SLITRK5: variants seen among roughly 807,000 people sequenced by gnomAD.
The protein encoded by SLITRK5 is SLIT and NTRK like family member 5, also known as SLIT and NTRK-like protein 5.
SLITRK5 carries 23 observed loss-of-function variants against 56.2 expected under a neutral mutation model. The observed-to-expected ratio is 0.41, with a 90% CI of 0.29 to 0.58. The LOEUF (loss-of-function observed/expected upper bound fraction) is 0.58. Ranked by LOEUF, SLITRK5 falls within the 20% of genes least tolerant of loss-of-function variation. The pLI is 0.30. For missense variants in SLITRK5, 1,289 were observed against 1,226.6 expected (o/e 1.05, Z -0.76); for synonymous variants, 637 against 531.8 (o/e 1.20, Z -2.72).
rs1276990584 is a variant in SLITRK5 at position 87,679,146 on chromosome 13, T to A, written c.*881T>A. On this transcript the variant is annotated 3_prime_UTR_variant, in exon 2 of 2. Transcript: ENST00000683689. ...ATCATTCAAAATGTGGAGAATTTAA[T>A]GGCTAAATCTTTAAAAGCCAATGCA... is the stretch of plus-strand genomic sequence containing the variant. 1.8e-5 allele frequency: 3 copies of A among 166,944 alleles called. No individual in the cohort carries two copies. Among genetic ancestry groups the A allele is most frequent in the African/African-American group, 7.2e-5 (3 of 41,452 alleles). The allele number at this position is 166,944 out of a possible 1,614,324, so 10.3% of individuals were successfully genotyped here.
In SLITRK5 at chr13:87,678,000, G is replaced by T. The variant is rs75472263; in HGVS notation, c.2612G>T (p.Gly871Val). ...PDKHCSTTPAGNSLPEYPKFP... is the reference protein window; with the variant it reads ...PDKHCSTTPAVNSLPEYPKFP... ...AAACACTGCTCCACCACCCCCGCCG[G>T]CAATAGCCTCCCGGAATATCCCAAA... is the stretch of plus-strand genomic sequence containing the variant. Residue 871 changes from glycine (G) to valine (V), a missense_variant, in exon 2 of 2, where the codon GGC becomes GTC. By Grantham distance (109) the Gly-to-Val change is moderately radical. Transcript: ENST00000683689. This position sits in a 1 kb window ranked among gnomAD's most constrained non-coding sequence, Gnocchi z 4.7. 1 of 1,614,120 alleles carries T rather than the reference G, an allele frequency of 6.2e-7. No homozygotes were observed. Among genetic ancestry groups the T allele is most frequent in the Non-Finnish European group, 8.5e-7 (1 of 1,179,994 alleles).
chr13:87,675,399 G>C lies in SLITRK5; in HGVS notation c.11G>C (p.Cys4Ser). Residue 4 changes from cysteine (C) to serine (S), a missense_variant, in exon 2 of 2, where the codon TGC (cysteine) becomes TCC (serine). Physicochemically the swap from Cys to Ser is moderately radical, Grantham distance 112. Coordinates refer to ENST00000683689, the MANE Select transcript of SLITRK5 (RefSeq NM_001384609.1). MHT[C>S]CPPVTLEQDL... ...CTTACAGGAGGTAAAATGCACACTT[G>C]CTGCCCCCCAGTAACTTTGGAACAG... is the stretch of plus-strand genomic sequence containing the variant. 3 of 1,613,502 alleles carry C rather than the reference G, an allele frequency of 1.9e-6. No individual in the cohort carries two copies. The highest frequency in any genetic ancestry group is 2.5e-6 in the Non-Finnish European group (3 of 1,179,512).
In SLITRK5 at chr13:87,678,359, C is replaced by A; in HGVS notation, c.*94C>A. Reference sequence around the variant, plus strand: ...CATTTGATTAATTGTGTTGTTTCAACGTTTAGGGTGAAGTGCCTTGGCACG... The same window carrying A: ...CATTTGATTAATTGTGTTGTTTCAAAGTTTAGGGTGAAGTGCCTTGGCACG... On this transcript the variant is annotated 3_prime_UTR_variant, in exon 2 of 2. Transcript: ENST00000683689. 6.4e-6 allele frequency: 8 copies of A among 1,242,246 alleles called. No homozygotes were observed. The highest frequency in any genetic ancestry group is 9.0e-6 in the Non-Finnish European group (8 of 886,820). The allele number at this position is 1,242,246 out of a possible 1,614,324, so 77.0% of individuals were successfully genotyped here.
At chr13:87,673,858 G>C (rs1877153000) in intron 1 of SLITRK5, among the ~76,000 whole-genome samples, 1 of 152,158 alleles carries the variant, frequency 6.6e-6, no homozygotes, top group South Asian at 2.1e-4. Flanking sequence ...CTTGGCTTTA[G>C]TTTGGAGTTG....
In SLITRK5 at chr13:87,677,552, G is replaced by A. The variant is rs774979104; in HGVS notation, c.2164G>A (p.Gly722Ser). 1.2e-6 allele frequency: 2 copies of A among 1,608,216 alleles called. No homozygotes were observed. Among genetic ancestry groups the A allele is most frequent in the South Asian group, 1.1e-5 (1 of 90,918 alleles). The change falls in exon 2 of 2, where the codon GGC (glycine) becomes AGC (serine). Residue 722 changes from glycine (G) to serine (S), a missense_variant. Gly to Ser is a moderately conservative substitution (Grantham distance 56, BLOSUM62 0). Transcript: ENST00000683689. This position sits in a 1 kb window ranked among gnomAD's most constrained non-coding sequence, Gnocchi z 4.7. ...MQYSVYGGGG[G>S]TGGHPHAHVH... ...GTACAGCGTGTACGGCGGCGGCGGC[G>A]GCACGGGCGGCCACCCACACGCGCA...
At position 87,671,630 on chromosome 13, in the gene SLITRK5, C is replaced by G. The variant is rs868833641; in HGVS notation, c.-588C>G. Among the ~76,000 whole-genome samples, 14 of 152,118 alleles carry G rather than the reference C, an allele frequency of 9.2e-5. No individual in the cohort carries two copies. The highest frequency in any genetic ancestry group is 4.1e-4 in the South Asian group (2 of 4,828). The stretch of plus-strand genomic sequence containing the variant: ...GAACGACGCGGTTGCTGCCCGCCCC[C>G]CCCTTCCCCCAGAAACCCCAAAGGA... On this transcript the variant is annotated 5_prime_UTR_variant, in exon 1 of 2. Coordinates refer to ENST00000683689, the MANE Select transcript of SLITRK5 (RefSeq NM_001384609.1).
chr13:87,673,555 C>A lies in SLITRK5; in HGVS notation c.-9+1346C>A, dbSNP rs779938173. On this transcript the variant is annotated intron_variant, in intron 1 of 1. Transcript: ENST00000683689. ...GAATGGATGTGCGGATTTGATCCAG[C>A]GGAGAACTGAAATTTCAAGGTAAAC... 5.5e-6 allele frequency: 7 copies of A among 1,278,562 alleles called. No individual in the cohort carries two copies. In the Admixed American group the frequency reaches 1.6e-4, roughly 29 times the overall value. 79.2% of individuals were successfully genotyped at this position (1,278,562 alleles called of 1,614,324 possible). A position where few individuals can be genotyped will look rare whatever the true frequency, so the allele number is the denominator to read the frequency against.
Position 87,675,499 on chromosome 13 carries a change from T to C in SLITRK5, c.111T>C (p.Cys37=). The C allele has an allele frequency of 6.2e-7, 1 of 1,614,176 alleles. No individual in the cohort carries two copies. The highest frequency in any genetic ancestry group is 1.1e-5 in the South Asian group (1 of 91,080). The part of the protein sequence containing the change: ...AFAVTSLVLS[C]AETIDYYGEI... ...CTGTAACATCTCTCGTCCTTTCGTG[T>C]GCAGAAACCATCGATTATTATGGGG... The change falls in exon 2 of 2, where the codon TGT becomes TGC. Residue 37 remains cysteine (C), a synonymous_variant. Transcript: ENST00000683689.
chr13:87,675,990 C>A lies in SLITRK5; in HGVS notation c.602C>A (p.Pro201His), dbSNP rs765122424. The A allele has an allele frequency of 1.2e-6, 2 of 1,614,094 alleles. No individual in the cohort carries two copies. The highest frequency in any genetic ancestry group is 2.2e-5 in the South Asian group (2 of 91,070). Residue 201 changes from proline to histidine, a missense_variant, in exon 2 of 2, where the codon CCC (proline) becomes CAC (histidine). By Grantham distance (77) the Pro-to-His change is moderately conservative. Around this residue, in one of 3 missense-constraint regions of SLITRK5, gnomAD observed 291 missense variants for 286.7 expected, o/e 1.02. Transcript: ENST00000683689. ...CCCAACAATCTTTTCCGTTTTGTGC[C>A]CTTAACGCACTTGGACCTCCGGGGG... ...SLPNNLFRFV[P>H]LTHLDLRGNR...
Position 87,676,657 on chromosome 13 carries a change from C to A in SLITRK5, c.1269C>A (p.Val423=). 1.2e-6 allele frequency: 2 copies of A among 1,613,988 alleles called. No individual in the cohort carries two copies. Among genetic ancestry groups the A allele is most frequent in the East Asian group, 2.2e-5 (1 of 44,864 alleles). ...ATCTGACAGAGAACTACATCGCTGT[C>A]GTGCGCAGGACAGACTTCCTGGAGG... ...KMYLTENYIA[V]VRRTDFLEAT... is the part of the protein sequence containing the mutation. The change falls in exon 2 of 2, where the codon GTC becomes GTA. Residue 423 remains valine, a synonymous_variant. Coordinates refer to ENST00000683689, the MANE Select transcript of SLITRK5 (RefSeq NM_001384609.1).
chr13:87,673,721 G>A (rs1338038045), intron 1 of SLITRK5: 4 of 436,712 alleles, frequency 9.2e-6, no homozygotes, highest in East Asian at 7.0e-5. Flanking sequence ...GTGGCCACAC[G>A]TGAATGATTC....
Position 87,678,051 on chromosome 13 carries a change from C to A in SLITRK5, c.2663C>A (p.Thr888Asn). 6.2e-7 allele frequency: 1 copy of A among 1,614,118 alleles called. No individual in the cohort carries two copies. Among genetic ancestry groups the A allele is most frequent in the Non-Finnish European group, 8.5e-7 (1 of 1,179,948 alleles). ...TTCCCGTGCAGCCCCGCTGCTTACA[C>A]TTTCTCCCCCAACTATGACCTGAGA... ...PKFPCSPAAY[T>N]FSPNYDLRRP... The change falls in exon 2 of 2, where the codon ACT (threonine) becomes AAT (asparagine). Residue 888 changes from threonine to asparagine, a missense_variant. Around this residue, in one of 3 missense-constraint regions of SLITRK5, gnomAD observed 985 missense variants for 906.0 expected, o/e 1.09. Transcript: ENST00000683689.
Position 87,673,616 on chromosome 13 carries a change from C to CT in SLITRK5, c.-9+1411dup, listed in dbSNP as rs753202260. On this transcript the variant is annotated intron_variant, in intron 1 of 1. Coordinates refer to ENST00000683689, the MANE Select transcript of SLITRK5 (RefSeq NM_001384609.1). ...CACTGGGGTGGGGATGTTTTTGCCGCTTTTAAGCCGGGAGACGTTTACCGT... is the reference window on the plus strand; with the variant it reads ...CACTGGGGTGGGGATGTTTTTGCCGCTTTTTAAGCCGGGAGACGTTTACCGT... The CT allele has an allele frequency of 4.7e-6, 4 of 855,052 alleles. No individual in the cohort carries two copies. The South Asian group carries it at 5.5e-5, about 12-fold the overall frequency. 53.0% of individuals were successfully genotyped at this position (855,052 alleles called of 1,614,324 possible).
At position 87,678,098 on chromosome 13, in the gene SLITRK5, C is replaced by T. The variant is rs1470097979; in HGVS notation, c.2710C>T (p.Pro904Ser). ...DLRRPHQYLH[P>S]GAGDSRLREP... ...GAGACGCCCCCATCAGTATTTGCAC[C>T]CGGGGGCAGGGGACAGCAGGCTACG... is the stretch of plus-strand genomic sequence containing the variant. Residue 904 changes from proline to serine, a missense_variant, in exon 2 of 2, where the codon CCG becomes TCG. By Grantham distance (74) the Pro-to-Ser change is moderately conservative (BLOSUM62 -1). Transcript: ENST00000683689. The T allele has an allele frequency of 6.2e-7, 1 of 1,614,178 alleles. No homozygotes were observed. Among genetic ancestry groups the T allele is most frequent in the Non-Finnish European group, 8.5e-7 (1 of 1,180,026 alleles).
chr13:87,678,299 AAAAC>A lies in SLITRK5; in HGVS notation c.*41_*44del. The A allele has an allele frequency of 6.5e-7, 1 of 1,547,558 alleles. No homozygotes were observed. The highest frequency in any genetic ancestry group is 8.8e-7 in the Non-Finnish European group (1 of 1,142,082). On this transcript the variant is annotated 3_prime_UTR_variant, in exon 2 of 2. Transcript: ENST00000683689. ...AAACTCTCTTGGAGCTTTTGCATTT[AAAAC>A]AAACAAGCAAGCAGACACACACAGT...
In SLITRK5 at chr13:87,678,044, G is replaced by A. The variant is rs766773593; in HGVS notation, c.2656G>A (p.Ala886Thr). 3.1e-6 allele frequency: 5 copies of A among 1,614,066 alleles called. No individual in the cohort carries two copies. The African/African-American group carries it at 5.3e-5, about 17-fold the overall frequency. ...EYPKFPCSPAAYTFSPNYDLR... is the reference protein window; with the variant it reads ...EYPKFPCSPATYTFSPNYDLR... ...TCCCAAATTCCCGTGCAGCCCCGCT[G>A]CTTACACTTTCTCCCCCAACTATGA... The change falls in exon 2 of 2, where the codon GCT becomes ACT. Residue 886 changes from alanine (A) to threonine (T), a missense_variant. By Grantham distance (58) the Ala-to-Thr change is moderately conservative. Transcript: ENST00000683689.
chr13:87,677,037 A>T lies in SLITRK5; in HGVS notation c.1649A>T (p.Asp550Val). ...FTSLPVSGVL[D>V]QLKSLIQIDL... ...TCCTTGCCAGTGAGTGGAGTTTTGG[A>T]CCAGCTGAAGTCACTCATCCAAATC... is the stretch of plus-strand genomic sequence containing the variant. The change falls in exon 2 of 2, where the codon GAC becomes GTC. Residue 550 changes from aspartate (D) to valine (V), a missense_variant. Around this residue, in one of 3 missense-constraint regions of SLITRK5, gnomAD observed 985 missense variants for 906.0 expected, o/e 1.09. Transcript: ENST00000683689. The surrounding 1 kb of genome is among the most constrained non-coding windows in gnomAD (Gnocchi z 4.7). 6.2e-7 allele frequency: 1 copy of T among 1,614,070 alleles called. No individual in the cohort carries two copies. Among genetic ancestry groups the T allele is most frequent in the Non-Finnish European group, 8.5e-7 (1 of 1,180,018 alleles).
rs1187962848 is a variant in SLITRK5 at position 87,675,880 on chromosome 13, C to T, written c.492C>T (p.Tyr164=). The T allele has an allele frequency of 6.2e-7, 1 of 1,614,030 alleles. No individual in the cohort carries two copies. Among genetic ancestry groups the T allele is most frequent in the African/African-American group, 1.3e-5 (1 of 74,892 alleles). ...AGTACCTACAGGTCGATTACAACTA[C>T]ATCAGCGTCATTGAACCCAATGCTT... The part of the protein sequence containing the change: ...NLEYLQVDYN[Y]ISVIEPNAFG... Residue 164 remains tyrosine (Y), a synonymous_variant, in exon 2 of 2, where the codon TAC becomes TAT. Transcript: ENST00000683689.
rs1055595656 is a variant in SLITRK5 at position 87,672,104 on chromosome 13, G to C, written c.-114G>C. 5.3e-5 allele frequency among the ~76,000 whole-genome samples: 8 copies of C among 152,022 alleles called. No individual in the cohort carries two copies. The highest frequency in any genetic ancestry group is 1.9e-4 in the African/African-American group (8 of 41,424). ...AGAGCCGAGGGGGGAGGGGAGGGCC[G>C]GCCGGCGCGAACCCAGGCCGGAGGG... is the stretch of plus-strand genomic sequence containing the variant. On this transcript the variant is annotated 5_prime_UTR_variant, in exon 1 of 2. Transcript: ENST00000683689.
Sources: gnomAD v4.1 joint callset for allele counts (sites outside exome capture counted in the v4.1 genomes callset) on GRCh38, gnomAD v4.1.1 for gene constraint, gnomAD v4.1.1 regional missense constraint, Gnocchi (gnomAD v3.1) non-coding constraint, MANE v1.5 for transcripts, NCBI Gene and HGNC (gene_info 2026-07-23, HGNC 2026-07-21) for gene names.